SCN10A: variants seen among roughly 807,000 people sequenced by gnomAD.
SCN10A encodes the protein sodium channel protein type 10 subunit alpha.
SCN10A carries 162 observed loss-of-function variants against 170.7 expected under a neutral mutation model. That is an observed-to-expected ratio of 0.95 (90% CI 0.84 to 1.08). The LOEUF (loss-of-function observed/expected upper bound fraction) is 1.08. SCN10A is among the 50% of genes least tolerant of loss of function. The pLI, the probability that SCN10A is intolerant of heterozygous loss-of-function variation, is 0.00. For synonymous variants in SCN10A, 985 were observed against 904.6 expected, an observed-to-expected ratio of 1.09 and a Z score of -1.59; for missense variants, 2,527 against 2,436.9, an observed-to-expected ratio of 1.04 and a Z score of -0.78.
intron 1 of SCN10A, among the ~76,000 whole-genome samples, chr3:38,812,398 A>G (rs1007941326): frequency 3.9e-5 from 6 of 152,186 alleles, no homozygotes; most frequent in African/African-American, 4.8e-5. Context: ...TAGGTAATGA[A>G]TAAAAATATT....
intron 21 of SCN10A, among the ~76,000 whole-genome samples, chr3:38,715,611 C>T (rs2063327025): frequency 1.3e-5 from 2 of 152,148 alleles, no homozygotes; most frequent in South Asian, 4.1e-4. Context: ...TTCCCCAGTC[C>T]TCTCGCAGCT....
chr3:38,732,963 A>T (rs1015404192), intron 15 of SCN10A, among the ~76,000 whole-genome samples: 1 of 152,206 alleles, frequency 6.6e-6, no homozygotes, highest in South Asian at 2.1e-4. Flanking sequence ...AGACTAGTTA[A>T]ATTTTCCAAT....
intron 20 of SCN10A, 64 bp from the exon 21 acceptor site, chr3:38,718,890 G>A (rs2063360140): frequency 1.3e-6 from 2 of 1,500,680 alleles, no homozygotes; most frequent in Non-Finnish European, 1.8e-6. Context: ...GGCCCAGACT[G>A]ATAGGGAAGG....
At position 38,792,122 on chromosome 3, in the gene SCN10A, G is replaced by A. The variant is rs1471527204; in HGVS notation, c.317C>T (p.Ala106Val). 1 of 1,613,840 alleles carries A rather than the reference G, an allele frequency of 6.2e-7. No homozygotes were observed. The highest frequency in any genetic ancestry group is 1.1e-5 in the South Asian group (1 of 91,076). Reference sequence around the variant, plus strand: ...ACTGAATAGCCACAGGGCCCGAGTGGCACTAAACCGGGAAATGGTCCTCCC... The same window carrying A: ...ACTGAATAGCCACAGGGCCCGAGTGACACTAAACCGGGAAATGGTCCTCCC... The part of the protein sequence containing the change: ...NKGRTISRFS[A>V]TRALWLFSPF... Residue 106 changes from alanine to valine, a missense_variant, in exon 3 of 28, where the codon GCC becomes GTC. Transcript: ENST00000449082.
At chr3:38,731,155 G>C (rs548983995) in intron 15 of SCN10A, among the ~76,000 whole-genome samples, 1 of 152,196 alleles carries the variant, frequency 6.6e-6, no homozygotes, top group African/African-American at 2.4e-5. Context: ...AAAGCTGACT[G>C]CTCATTAGCA....
rs2063801292 is a variant in SCN10A at position 38,756,072 on chromosome 3, G to T, written c.1291-114C>A. The T allele has an allele frequency of 1.0e-5, 12 of 1,147,906 alleles. 1 individual carries two copies. In the East Asian group the frequency reaches 1.5e-4, roughly 14 times the overall value. The allele number at this position is 1,147,906 out of a possible 1,614,324, so 71.1% of individuals were successfully genotyped here. ...GAGATCTGAAACAGAGAAGCTGAAG[G>T]GTTAGGACCAGGGTGGTGGTGGGAT... On this transcript the variant is annotated intron_variant, in intron 10 of 27. Coordinates refer to ENST00000449082, the MANE Select transcript of SCN10A (RefSeq NM_006514.4).
chr3:38,783,985 G>A (rs565081842), intron 4 of SCN10A, among the ~76,000 whole-genome samples: 2 of 152,086 alleles, frequency 1.3e-5, no homozygotes, highest in East Asian at 3.9e-4. Flanking sequence ...ATATGTTTAT[G>A]GCCATTTGGA....
chr3:38,799,285 C>T (rs535880516), intron 1 of SCN10A, among the ~76,000 whole-genome samples: 54 of 152,242 alleles, frequency 3.5e-4, no homozygotes, highest in Middle Eastern at 3.4e-3. Flanking sequence ...ATTCCTCTCA[C>T]AGGCAGTCCC....
chr3:38,779,438 C>T (rs1342723925), intron 4 of SCN10A, among the ~76,000 whole-genome samples: 1 of 151,944 alleles, frequency 6.6e-6, no homozygotes, highest in Non-Finnish European at 1.5e-5. Flanking sequence ...CTCAATAATG[C>T]TGTATTATTT....
At chr3:38,738,984 G>A (rs1036504130) in intron 15 of SCN10A, among the ~76,000 whole-genome samples, 5 of 152,198 alleles carry the variant, frequency 3.3e-5, no homozygotes, top group Admixed American at 2.0e-4. Context: ...GCTGGAAGGA[G>A]CTGGGGCTCT....
At chr3:38,743,305 T>A (rs180743233) in intron 13 of SCN10A, among the ~76,000 whole-genome samples, 239 of 152,350 alleles carry the variant, frequency 1.6e-3, no homozygotes, top group Non-Finnish European at 2.7e-3. Flanking sequence ...CCCCTCCCAC[T>A]TGTGCCGGGC....
rs1385045981 is a variant in SCN10A at position 38,697,426 on chromosome 3, C to G, written c.5794G>C (p.Val1932Leu). The G allele has an allele frequency of 3.7e-6, 6 of 1,614,096 alleles. No individual in the cohort carries two copies. Among genetic ancestry groups the G allele is most frequent in the Non-Finnish European group, 5.1e-6 (6 of 1,180,042 alleles). ...ATTGAGCTAGATGTCCTCATGTTGACTCTATCACTAAGGCCTCTAGTGACA... is the reference window on the plus strand; with the variant it reads ...ATTGAGCTAGATGTCCTCATGTTGAGTCTATCACTAAGGCCTCTAGTGACA... ...ESVTRGLSDR[V>L]NMRTSSSIQN... Residue 1932 changes from valine to leucine, a missense_variant, in exon 28 of 28, where the codon GTC (valine) becomes CTC (leucine). Transcript: ENST00000449082.
chr3:38,792,360 C>G (rs193035864), intron 2 of SCN10A, among the ~76,000 whole-genome samples, 192 bp from the exon 3 acceptor site: 45 of 152,150 alleles, frequency 3.0e-4, no homozygotes, highest in African/African-American at 1.1e-3. Flanking sequence ...ATATCCTCAC[C>G]CTCTCAGCAA....
intron 20 of SCN10A, among the ~76,000 whole-genome samples, chr3:38,721,766 A>AT (rs1439265513): frequency 6.6e-6 from 1 of 152,156 alleles, no homozygotes; most frequent in African/African-American, 2.4e-5. Flanking sequence ...TATTGTAATG[A>AT]TTTTCTGTGA....
chr3:38,770,088 G>A (rs531616533), intron 5 of SCN10A, among the ~76,000 whole-genome samples: 43 of 152,324 alleles, frequency 2.8e-4, no homozygotes, highest in Non-Finnish European at 5.6e-4. Flanking sequence ...CGTCTGGTTA[G>A]CCAGGATGTT....
At chr3:38,796,885 C>T (rs2064344318) in intron 1 of SCN10A, among the ~76,000 whole-genome samples, 2 of 152,116 alleles carry the variant, frequency 1.3e-5, no homozygotes, top group South Asian at 2.1e-4. Flanking sequence ...GCTGGACTCA[C>T]ATCTATTTTG....
At chr3:38,771,497 T>C in intron 4 of SCN10A, 90 bp from the exon 5 acceptor site, 6 of 1,340,220 alleles carry the variant, frequency 4.5e-6, no homozygotes, top group Non-Finnish European at 6.3e-6. Context: ...TGACCTGCTC[T>C]GACTGCTCCA....
intron 15 of SCN10A, among the ~76,000 whole-genome samples, chr3:38,731,998 A>T (rs557015322): frequency 6.6e-6 from 1 of 152,360 alleles, no homozygotes; most frequent in African/African-American, 2.4e-5. Context: ...TTCCAAAGTC[A>T]TAGTATTGGC....
rs995883867 is a variant in SCN10A at position 38,781,358 on chromosome 3, G to A, written c.470+7598C>T. ...CAAAGCCATTACATCTGAGAAATAT[G>A]TTCAGCAAATCGATGAGATGCACAG... On this transcript the variant is annotated intron_variant, in intron 4 of 27. Coordinates refer to ENST00000449082, the MANE Select transcript of SCN10A (RefSeq NM_006514.4). Among the ~76,000 whole-genome samples, 3 of 152,064 alleles carry A rather than the reference G, an allele frequency of 2.0e-5. No individual in the cohort carries two copies. The East Asian group carries it at 5.8e-4, about 29-fold the overall frequency.
Sources: gnomAD v4.1 joint callset for allele counts (sites outside exome capture counted in the v4.1 genomes callset) on GRCh38, gnomAD v4.1.1 for gene constraint, MANE v1.5 for transcripts, NCBI Gene and HGNC (gene_info 2026-07-23, HGNC 2026-07-21) for gene names.